The following ANKRD30B variants were observed in gnomAD, a reference collection of about 807,000 sequenced individuals.
ANKRD30B encodes the protein ankyrin repeat domain-containing protein 30B.
ANKRD30B carries 144 observed loss-of-function variants against 202.2 expected under a neutral mutation model. That is an observed-to-expected ratio of 0.71 (90% CI 0.62 to 0.82). ANKRD30B has a LOEUF of 0.82. Ranked by LOEUF, ANKRD30B falls within the 40% of genes least tolerant of loss-of-function variation. ANKRD30B has a pLI of 0.00. For synonymous variants in ANKRD30B, 508 were observed against 561.3 expected (o/e 0.91, Z 1.34); for missense variants, 1,487 against 1,669.1 (o/e 0.89, Z 1.90).
the ANKRD30B span, among the ~76,000 whole-genome samples, chr18:14,885,822 A>C: frequency 6.6e-6 from 1 of 151,884 alleles, no homozygotes; most frequent in African/African-American, 2.4e-5. Context: ...GCTTATGTCA[A>C]AATGTTTTGT....
chr18:14,911,608 GCT>G, the ANKRD30B span, among the ~76,000 whole-genome samples: 1 of 107,348 alleles, frequency 9.3e-6, no homozygotes, highest in Non-Finnish European at 2.0e-5. Context: ...GGATATTCAG[GCT>G]CTTTTTTGGT....
At chr18:14,932,681 T>C in the ANKRD30B span, among the ~76,000 whole-genome samples, 1 of 152,186 alleles carries the variant, frequency 6.6e-6, no homozygotes, top group African/African-American at 2.4e-5. Context: ...GGGTATGTTC[T>C]GGGACCCAAG....
chr18:14,877,623 C>T, the ANKRD30B span: 2 of 151,498 alleles, frequency 1.3e-5, no homozygotes, highest in Non-Finnish European at 2.9e-5. Flanking sequence ...ATATACCATC[C>T]CCACTGAACA....
intron 24 of ANKRD30B, among the ~76,000 whole-genome samples, chr18:14,805,240 A>G (rs778614347): frequency 6.6e-6 from 1 of 151,048 alleles, no homozygotes; most frequent in South Asian, 2.1e-4. Context: ...TTTAAAAACC[A>G]TAATTCTGAA....
At chr18:14,855,756 G>C (rs530999996), downstream of ANKRD30B, among the ~76,000 whole-genome samples, 92 of 150,260 alleles carry the variant, frequency 6.1e-4, no homozygotes, top group African/African-American at 2.1e-3. Flanking sequence ...CAGCCAGGCA[G>C]AGGGGCTCCT....
At chr18:14,899,093 A>G in the ANKRD30B span, among the ~76,000 whole-genome samples, 3 of 152,120 alleles carry the variant, frequency 2.0e-5, no homozygotes, top group African/African-American at 7.2e-5. Flanking sequence ...TCTTGTCATT[A>G]TTTTAGAGTT....
At chr18:14,861,224 A>G in the ANKRD30B span, among the ~76,000 whole-genome samples, 16 of 152,236 alleles carry the variant, frequency 1.1e-4, no homozygotes, top group African/African-American at 3.1e-4. Context: ...AACAATTGAG[A>G]CTACAAGGTA....
At chr18:14,874,478 G>A in the ANKRD30B span, among the ~76,000 whole-genome samples, 1 of 152,148 alleles carries the variant, frequency 6.6e-6, no homozygotes, top group Admixed American at 6.5e-5. Context: ...AATACAATTT[G>A]TATGAACATC....
intron 33 of ANKRD30B, among the ~76,000 whole-genome samples, chr18:14,830,796 C>T (rs1339916004): frequency 2.6e-5 from 4 of 152,088 alleles, no homozygotes; most frequent in Non-Finnish European, 4.4e-5. Context: ...ATTATATTGG[C>T]GGTCACTATT....
chr18:14,795,646 T>C (rs1207279356), intron 16 of ANKRD30B, among the ~76,000 whole-genome samples: 16 of 152,340 alleles, frequency 1.1e-4, no homozygotes. Context: ...ACTTTTATTC[T>C]ATAAGTAGAT....
At chr18:14,811,838 CAG>C (rs1413288944) in intron 28 of ANKRD30B, among the ~76,000 whole-genome samples, 1 of 3,748 alleles carries the variant, frequency 2.7e-4, no homozygotes, top group African/African-American at 1.2e-3. Context: ...ATGAAAATTT[CAG>C]AGTCTTTAAG....
chr18:14,874,111 T>C, the ANKRD30B span, among the ~76,000 whole-genome samples: 3 of 152,306 alleles, frequency 2.0e-5, no homozygotes, highest in African/African-American at 7.2e-5. Context: ...TCTCACCAAT[T>C]AAGTGAGTTA....
At chr18:14,875,868 T>C in the ANKRD30B span, among the ~76,000 whole-genome samples, 1 of 152,170 alleles carries the variant, frequency 6.6e-6, no homozygotes, top group African/African-American at 2.4e-5. Flanking sequence ...GTGCGTTTCT[T>C]CATCTGGGCA....
At chr18:14,918,021 C>A in the ANKRD30B span, among the ~76,000 whole-genome samples, 1 of 152,142 alleles carries the variant, frequency 6.6e-6, no homozygotes, top group East Asian at 1.9e-4. Context: ...AACTAGAAAA[C>A]TTCTAATCCC....
At chr18:14,758,899 T>C (rs1002216983) in intron 5 of ANKRD30B, among the ~76,000 whole-genome samples, 59 of 152,336 alleles carry the variant, frequency 3.9e-4, no homozygotes, top group Non-Finnish European at 2.2e-4. Flanking sequence ...AGCACCATTT[T>C]ATAGGTAGTG....
chr18:14,772,081 C>A, intron 8 of ANKRD30B, 75 bp from the exon 9 acceptor site: 3 of 905,750 alleles, frequency 3.3e-6, no homozygotes, highest in South Asian at 2.7e-5. Flanking sequence ...GAGTGAGCAC[C>A]AAGATATGAA....
chr18:14,806,622 A>G (rs1969537841), intron 24 of ANKRD30B, among the ~76,000 whole-genome samples: 1 of 149,508 alleles, frequency 6.7e-6, no homozygotes, highest in Non-Finnish European at 1.5e-5. Context: ...AGAGTTTTCA[A>G]CCATAAATAG....
At chr18:14,892,742 C>CAAAAAAA in the ANKRD30B span, among the ~76,000 whole-genome samples, 46 of 72,834 alleles carry the variant, frequency 6.3e-4, no homozygotes, top group East Asian at 9.4e-4. Flanking sequence ...TCTGTTTCAC[C>CAAAAAAA]AAAAAAAAAA....
chr18:14,879,452 G>A, the ANKRD30B span, among the ~76,000 whole-genome samples: 15 of 152,206 alleles, frequency 9.9e-5, no homozygotes, highest in African/African-American at 3.1e-4. Context: ...ATTAATATAA[G>A]ATCCGCAATC....
Sources: gnomAD v4.1 joint callset for allele counts (sites outside exome capture counted in the v4.1 genomes callset) on GRCh38, gnomAD v4.1.1 for gene constraint, MANE v1.5 for transcripts, NCBI Gene and HGNC (gene_info 2026-07-23, HGNC 2026-07-21) for gene names.